The following HIVEP3 variants were observed in gnomAD, a reference collection of about 807,000 sequenced individuals.
HIVEP3 encodes the protein transcription factor HIVEP3.
In HIVEP3, 49 loss-of-function variants were observed where a neutral mutation model predicts 152.8. The observed-to-expected ratio is 0.32, with a 90% CI of 0.26 to 0.41. The LOEUF (loss-of-function observed/expected upper bound fraction) is 0.41. HIVEP3 is among the 10% of genes least tolerant of loss of function. HIVEP3 has a pLI of 1.00. For missense variants in HIVEP3, 2,790 were observed against 3,103.3 expected, an observed-to-expected ratio of 0.90 and a Z score of 2.40; for synonymous variants, 1,269 against 1,289.0, an observed-to-expected ratio of 0.98 and a Z score of 0.33.
intron 1 of HIVEP3, among the ~76,000 whole-genome samples, chr1:41,925,483 A>C (rs1313866774): frequency 1.3e-5 from 2 of 152,202 alleles, no homozygotes; most frequent in African/African-American, 4.8e-5. Context: ...ATCATCATAA[A>C]GGTCTTCATC....
chr1:41,628,988 T>C (rs2038977), intron 2 of HIVEP3, 41 bp from the exon 3 acceptor site: 732,227 of 1,223,258 alleles, frequency 0.6, 221,795 homozygotes, highest in African/African-American at 0.81. Context: ...AGAACTTTCT[T>C]GGTCAACTTT....
chr1:41,675,872 C>T (rs1235274014), intron 2 of HIVEP3, among the ~76,000 whole-genome samples: 5 of 152,152 alleles, frequency 3.3e-5, no homozygotes, highest in Non-Finnish European at 7.3e-5. Context: ...CTGATGATTG[C>T]GGCTCCAGGG....
intron 7 of HIVEP3, among the ~76,000 whole-genome samples, chr1:41,516,577 A>T (rs1231390621): frequency 6.6e-6 from 1 of 151,954 alleles, no homozygotes; most frequent in Non-Finnish European, 1.5e-5. Context: ...CCTCCTGAGC[A>T]CACCCGTGCT....
intron 1 of HIVEP3, among the ~76,000 whole-genome samples, chr1:41,901,714 G>T (rs1644627024): frequency 6.6e-6 from 1 of 152,192 alleles, no homozygotes; most frequent in Admixed American, 6.5e-5. Flanking sequence ...AGCAGGTGTG[G>T]CTGGGCATGC....
intron 2 of HIVEP3, among the ~76,000 whole-genome samples, chr1:41,683,368 C>T (rs1245096173): frequency 6.6e-6 from 1 of 152,242 alleles, no homozygotes; most frequent in Non-Finnish European, 1.5e-5. Context: ...ACCCAGGCAA[C>T]CCCCTAGGCC....
At chr1:41,707,390 A>G (rs1646450440) in intron 1 of HIVEP3, among the ~76,000 whole-genome samples, 1 of 152,196 alleles carries the variant, frequency 6.6e-6, no homozygotes, top group Non-Finnish European at 1.5e-5. Flanking sequence ...GCGACTTATG[A>G]TTATGCTTCC....
intron 1 of HIVEP3, among the ~76,000 whole-genome samples, chr1:41,786,625 C>CTGTA: frequency 6.6e-6 from 1 of 152,356 alleles, no homozygotes; most frequent in Admixed American, 6.5e-5. Context: ...AGTTGTGAGA[C>CTGTA]TGTATAGCCA....
intron 5 of HIVEP3, among the ~76,000 whole-genome samples, chr1:41,526,641 A>ACACACCCTACACACACACCCT: frequency 6.6e-5 from 2 of 30,174 alleles, no homozygotes; most frequent in African/African-American, 1.6e-4. Flanking sequence ...ACACACCCTC[A>ACACACCCTACACACACACCCT]CACCCCCACA....
chr1:41,650,299 T>C (rs1645528267), intron 2 of HIVEP3, among the ~76,000 whole-genome samples: 1 of 152,178 alleles, frequency 6.6e-6, no homozygotes, highest in Non-Finnish European at 1.5e-5. Flanking sequence ...TGGCATGTGT[T>C]GACACTGCTG....
At chr1:41,784,292 T>C (rs1570531596) in intron 1 of HIVEP3, among the ~76,000 whole-genome samples, 2 of 152,390 alleles carry the variant, frequency 1.3e-5, no homozygotes, top group South Asian at 4.1e-4. Context: ...AAATAAAGAA[T>C]GTAAAATCTG....
intron 1 of HIVEP3, among the ~76,000 whole-genome samples, chr1:41,964,416 G>A (rs550714311): frequency 6.6e-6 from 1 of 152,300 alleles, no homozygotes; most frequent in Non-Finnish European, 1.5e-5. Context: ...TGTGGATCAG[G>A]AGATCCCCTC....
intron 1 of HIVEP3, among the ~76,000 whole-genome samples, chr1:41,825,551 G>A (rs1297138251): frequency 2.0e-5 from 3 of 151,298 alleles, no homozygotes; most frequent in Non-Finnish European, 4.4e-5. Context: ...GATTACAGGC[G>A]TGAGCCACTG....
chr1:41,793,818 T>C (rs896312068), intron 1 of HIVEP3, among the ~76,000 whole-genome samples: 4 of 152,140 alleles, frequency 2.6e-5, no homozygotes, highest in Non-Finnish European at 2.9e-5. Flanking sequence ...TTGAAAAACG[T>C]AGAAATGCAC....
intron 1 of HIVEP3, among the ~76,000 whole-genome samples, chr1:41,748,688 G>A (rs1025333837): frequency 7.9e-5 from 12 of 152,342 alleles, no homozygotes; most frequent in Admixed American, 2.0e-4. Context: ...GAGGCAGGAG[G>A]CTCAGAGAGG....
intron 1 of HIVEP3, among the ~76,000 whole-genome samples, chr1:41,901,478 C>CTA (rs1477864375): frequency 6.6e-6 from 1 of 151,936 alleles, no homozygotes; most frequent in Non-Finnish European, 1.5e-5. Context: ...CTGCGATCCT[C>CTA]AATAGCCAAG....
At chr1:41,797,589 A>G (rs1650054048) in intron 1 of HIVEP3, among the ~76,000 whole-genome samples, 1 of 152,246 alleles carries the variant, frequency 6.6e-6, no homozygotes, top group Non-Finnish European at 1.5e-5. Context: ...CAGACGTTCC[A>G]CCACGACAGC....
At chr1:41,848,926 G>A (rs1643518336) in intron 1 of HIVEP3, 1 of 152,524 alleles carries the variant, frequency 6.6e-6, no homozygotes, top group African/African-American at 2.4e-5. Flanking sequence ...GGGCTCCAGA[G>A]TGTGCCAGTT....
intron 5 of HIVEP3, among the ~76,000 whole-genome samples, chr1:41,566,778 T>G (rs1234369625): frequency 1.3e-5 from 2 of 152,150 alleles, no homozygotes; most frequent in African/African-American, 2.4e-5. Context: ...GGATTCACAC[T>G]TGGCTGGGTC....
chr1:41,870,961 C>T (rs1411785824), intron 1 of HIVEP3, among the ~76,000 whole-genome samples: 2 of 152,192 alleles, frequency 1.3e-5, no homozygotes, highest in African/African-American at 2.4e-5. Context: ...ATTTCATTAA[C>T]AAGTAAATGG....
Sources: allele counts gnomAD v4.1 joint callset (sites outside exome capture counted in the v4.1 genomes callset), GRCh38; gene constraint gnomAD v4.1.1; transcripts MANE v1.5; gene names NCBI Gene and HGNC (gene_info 2026-07-23, HGNC 2026-07-21).